Variants in LRBA observed in about 807,000 individuals in gnomAD.
The protein encoded by LRBA is lipopolysaccharide-responsive and beige-like anchor protein.
LRBA carries 176 observed loss-of-function variants against 330.0 expected under a neutral mutation model. That is an observed-to-expected ratio of 0.53 (90% CI 0.47 to 0.60). LRBA has a LOEUF of 0.60. Among genes scored for constraint, LRBA ranks in the 20% least tolerant of loss-of-function variants. The pLI, the probability that LRBA is intolerant of heterozygous loss-of-function variation, is 0.00. For synonymous variants in LRBA, 1,230 were observed against 1,193.0 expected (o/e 1.03, Z -0.64); for missense variants, 3,259 against 3,444.8 (o/e 0.95, Z 1.35).
intron 41 of LRBA, among the ~76,000 whole-genome samples, chr4:150,489,041 A>G (rs1304670396): frequency 9.2e-6 from 1 of 109,178 alleles, no homozygotes; most frequent in Admixed American, 1.2e-4. Context: ...TATTATATAT[A>G]ATATATTATA....
chr4:150,305,706 CT>C (rs1349104686), intron 52 of LRBA, among the ~76,000 whole-genome samples: 2 of 152,188 alleles, frequency 1.3e-5, no homozygotes, highest in African/African-American at 4.8e-5. Flanking sequence ...GCAGTTACAT[CT>C]AAAGGGTTTT....
At position 150,848,917 on chromosome 4, in the gene LRBA, C is replaced by A. The variant is rs1750233907; in HGVS notation, c.4240G>T (p.Val1414Leu). The A allele has an allele frequency of 1.5e-5, 24 of 1,612,812 alleles. No individual in the cohort carries two copies. Among genetic ancestry groups the A allele is most frequent in the Non-Finnish European group, 2.0e-5 (23 of 1,179,082 alleles). The change falls in exon 26 of 57, where the codon GTG becomes TTG. Residue 1414 changes from valine to leucine, a missense_variant. Val to Leu is a conservative substitution (Grantham distance 32). Coordinates refer to ENST00000651943, the MANE Select transcript of LRBA (RefSeq NM_001364905.1). ...VTFLQRLISL[V>L]DVLIFASSLG... ...GAACTTGCAAATATAAGCACATCCA[C>A]AAGGCTAATTAGCCTCTGCAAAAAT...
At chr4:150,294,089 C>T (rs896805918) in intron 53 of LRBA, among the ~76,000 whole-genome samples, 3 of 152,150 alleles carry the variant, frequency 2.0e-5, no homozygotes, top group East Asian at 1.9e-4. Context: ...ATGTTTCTGA[C>T]GGTGTGGGGG....
chr4:150,589,082 G>T (rs1474602522), intron 39 of LRBA, among the ~76,000 whole-genome samples: 1 of 147,286 alleles, frequency 6.8e-6, no homozygotes, highest in East Asian at 1.9e-4. Context: ...CAGAGAGAGA[G>T]AGATCGACGT....
intron 25 of LRBA, 63 bp downstream of exon 25, chr4:150,849,359 G>A: frequency 6.9e-7 from 1 of 1,452,890 alleles, no homozygotes; most frequent in South Asian, 1.2e-5. Flanking sequence ...TTAAGTTTTA[G>A]TCAATAAAGT....
intron 40 of LRBA, among the ~76,000 whole-genome samples, chr4:150,519,557 T>C (rs182751739): frequency 5.3e-5 from 8 of 152,292 alleles, no homozygotes; most frequent in Non-Finnish European, 8.8e-5. Flanking sequence ...TTTCTTTTTA[T>C]TACTGAGTAG....
At chr4:150,487,701 C>T (rs761909498) in intron 42 of LRBA, 31 bp downstream of exon 42, 42 of 1,324,058 alleles carry the variant, frequency 3.2e-5, no homozygotes, top group Admixed American at 1.5e-4. Flanking sequence ...AGACACTTTA[C>T]TTTCCCTAAG....
chr4:150,835,116 G>C (rs1333101143), intron 28 of LRBA, among the ~76,000 whole-genome samples: 1 of 152,154 alleles, frequency 6.6e-6, no homozygotes, highest in Non-Finnish European at 1.5e-5. Context: ...GATAGTTGTA[G>C]ATGTGTGGTG....
intron 37 of LRBA, among the ~76,000 whole-genome samples, chr4:150,600,793 A>G (rs1774036813): frequency 6.6e-6 from 1 of 152,240 alleles, no homozygotes; most frequent in Non-Finnish European, 1.5e-5. Context: ...TTTTAACTCA[A>G]TTAATAAAAT....
intron 4 of LRBA, among the ~76,000 whole-genome samples, chr4:150,927,139 C>T (rs922307503): frequency 1.3e-5 from 2 of 151,478 alleles, no homozygotes; most frequent in African/African-American, 4.9e-5. Flanking sequence ...CTCTGGGAGG[C>T]CAAGGCGGGC....
intron 16 of LRBA, among the ~76,000 whole-genome samples, chr4:150,894,551 A>G (rs1402224559): frequency 6.6e-6 from 1 of 152,212 alleles, no homozygotes; most frequent in African/African-American, 2.4e-5. Flanking sequence ...ACTGACCCAA[A>G]AAGGAAAAGG....
intron 31 of LRBA, among the ~76,000 whole-genome samples, chr4:150,810,836 A>G (rs529269173): frequency 6.6e-6 from 1 of 152,286 alleles, no homozygotes; most frequent in South Asian, 2.1e-4. Flanking sequence ...TCTTGGTCTC[A>G]AGCAATCCTT....
At chr4:150,416,092 G>T (rs374492105) in intron 46 of LRBA, among the ~76,000 whole-genome samples, 36 of 152,078 alleles carry the variant, frequency 2.4e-4, no homozygotes, top group Middle Eastern at 6.8e-3. Flanking sequence ...ATTTCAAAAC[G>T]GTCAAGTTTA....
intron 47 of LRBA, among the ~76,000 whole-genome samples, chr4:150,398,454 T>A (rs1745041700): frequency 6.6e-6 from 1 of 152,140 alleles, no homozygotes; most frequent in Admixed American, 6.5e-5. Context: ...TATTTTGCTT[T>A]TACTGAAAAA....
intron 2 of LRBA, among the ~76,000 whole-genome samples, chr4:151,005,555 A>C (rs2149662295): frequency 2.9e-5 from 4 of 139,890 alleles, no homozygotes; most frequent in African/African-American, 5.6e-5. Flanking sequence ...AAATAATGAC[A>C]CTGTTCTTTT....
chr4:151,011,597 C>CAAAAAA (rs77338885), intron 2 of LRBA, among the ~76,000 whole-genome samples: 1 of 90,548 alleles, frequency 1.1e-5, no homozygotes, highest in African/African-American at 3.9e-5. Flanking sequence ...GACTCTATCT[C>CAAAAAA]AAAAAAAAAA....
chr4:150,383,343 G>A (rs947155410), intron 47 of LRBA, among the ~76,000 whole-genome samples: 2 of 152,024 alleles, frequency 1.3e-5, no homozygotes, highest in Non-Finnish European at 2.9e-5. Flanking sequence ...ACTTCCCAGG[G>A]TCAAGTGATC....
intron 37 of LRBA, among the ~76,000 whole-genome samples, chr4:150,671,045 A>T (rs5012063): frequency 0.45 from 46,842 of 104,756 alleles, 6,826 homozygotes; most frequent in Admixed American, 0.51. Flanking sequence ...TGTGTGTGAG[A>T]GAGAGAGAGA....
At chr4:150,474,271 T>C (rs529180665) in intron 42 of LRBA, among the ~76,000 whole-genome samples, 2 of 152,304 alleles carry the variant, frequency 1.3e-5, no homozygotes, top group African/African-American at 4.8e-5. Flanking sequence ...TGCAAAACAA[T>C]TGACCGCAAA....
Sources: allele counts gnomAD v4.1 joint callset (sites outside exome capture counted in the v4.1 genomes callset), GRCh38; gene constraint gnomAD v4.1.1; transcripts MANE v1.5; gene names NCBI Gene and HGNC (gene_info 2026-07-23, HGNC 2026-07-21).